The following POLI variants were observed in gnomAD, a reference collection of about 807,000 sequenced individuals.
POLI encodes the protein DNA polymerase iota.
In POLI, 58 loss-of-function variants were observed where a neutral mutation model predicts 51.6. The observed-to-expected ratio is 1.12, with a 90% CI of 0.91 to 1.40. POLI has a LOEUF of 1.40. POLI is among the 40% of genes most tolerant of loss of function. The pLI is 0.00. For synonymous variants in POLI, 322 were observed against 299.7 expected (o/e 1.07, Z -0.77); for missense variants, 921 against 871.3 (o/e 1.06, Z -0.72).
In POLI at chr18:54,271,355, T is replaced by C. The variant is rs2086994512; in HGVS notation, c.116-5T>C. On this transcript the variant is annotated splice_region_variant and splice_polypyrimidine_tract_variant and intron_variant, in intron 1 of 9. Coordinates refer to ENST00000579534, the MANE Select transcript of POLI (RefSeq NM_007195.3). ...TTTCTTTTTATTTCTTTGCATATTG[T>C]GCAGGAGTTCATGATCAAGTGTTGC... 1.2e-6 allele frequency: 2 copies of C among 1,610,268 alleles called. No individual in the cohort carries two copies. Among genetic ancestry groups the C allele is most frequent in the Non-Finnish European group, 1.7e-6 (2 of 1,178,382 alleles).
At chr18:54,273,147 TA>T (rs2087081728) in intron 2 of POLI, among the ~76,000 whole-genome samples, 1 of 152,086 alleles carries the variant, frequency 6.6e-6, no homozygotes, top group South Asian at 2.1e-4. Context: ...ACCAATAAAC[TA>T]GAATTTTTTA....
At chr18:54,271,775 T>C (rs551855890) in intron 2 of POLI, among the ~76,000 whole-genome samples, 1 of 152,346 alleles carries the variant, frequency 6.6e-6, no homozygotes, top group African/African-American at 2.4e-5. Context: ...CAGATTTCTT[T>C]TTCTCACTAT....
At chr18:54,291,472 C>T (rs1468466767) in intron 8 of POLI, 2 of 170,520 alleles carry the variant, frequency 1.2e-5, no homozygotes, top group Non-Finnish European at 2.5e-5. Context: ...CTGCTATCTC[C>T]TACTTTCTTA....
intron 3 of POLI, among the ~76,000 whole-genome samples, chr18:54,315,664 G>A (rs538029380): frequency 6.6e-6 from 1 of 152,122 alleles, no homozygotes; most frequent in African/African-American, 2.4e-5. Flanking sequence ...ATTTAGGATT[G>A]TTAAGTCTTC....
Position 54,269,571 on chromosome 18 carries a change from G to A in POLI, c.25G>A (p.Glu9Lys), listed in dbSNP as rs376730732. ...GATGGAGAAGCTGGGGGTGGAGCCG[G>A]AGGAGGAAGGCGGCGGCGACGACGA... Reference protein sequence around the residue: MEKLGVEPEEEGGGDDDEE... With the variant: MEKLGVEPKEEGGGDDDEE... Residue 9 changes from glutamate (E) to lysine (K), a missense_variant, in exon 1 of 10, where the codon GAG becomes AAG. Transcript: ENST00000579534. 23 of 1,461,020 alleles carry A rather than the reference G, an allele frequency of 1.6e-5. No homozygotes were observed. In the African/African-American group the frequency reaches 4.5e-4, roughly 29 times the overall value. The allele number at this position is 1,461,020 out of a possible 1,614,324, so 90.5% of individuals were successfully genotyped here. A position where few individuals can be genotyped will look rare whatever the true frequency, so the allele number is the denominator to read the frequency against.
At chr18:54,306,924 C>T (rs2088595700) in intron 3 of POLI, among the ~76,000 whole-genome samples, 1 of 152,100 alleles carries the variant, frequency 6.6e-6, no homozygotes, top group East Asian at 1.9e-4. Flanking sequence ...AGTGATATCC[C>T]CTTTATCATT....
At chr18:54,283,872 G>A in intron 6 of POLI, 50 bp from the exon 7 acceptor site, 1 of 670,496 alleles carries the variant, frequency 1.5e-6, no homozygotes, top group Non-Finnish European at 2.6e-6. Flanking sequence ...ATAATAATTA[G>A]ATATAGTTAT....
intron 3 of POLI, among the ~76,000 whole-genome samples, chr18:54,318,694 GA>G (rs1422134111): frequency 6.6e-6 from 1 of 151,910 alleles, no homozygotes; most frequent in Non-Finnish European, 1.5e-5. Flanking sequence ...AAAATATACT[GA>G]AAGCCAACAA....
At chr18:54,303,530 C>T (rs1218430400) in intron 3 of POLI, among the ~76,000 whole-genome samples, 6 of 152,094 alleles carry the variant, frequency 3.9e-5, no homozygotes, top group Admixed American at 6.6e-5. Context: ...CATTTTTCCT[C>T]ATGTGCTCTG....
chr18:54,319,507 C>T (rs529199019), intron 3 of POLI, among the ~76,000 whole-genome samples: 27 of 152,026 alleles, frequency 1.8e-4, no homozygotes, highest in African/African-American at 6.5e-4. Flanking sequence ...GTCTGAATAT[C>T]TGAAAGTATT....
At chr18:54,292,383 T>G (rs1202214721) in intron 9 of POLI, among the ~76,000 whole-genome samples, 2 of 152,148 alleles carry the variant, frequency 1.3e-5, no homozygotes, top group Admixed American at 1.3e-4. Context: ...CTTTTTGTCT[T>G]TTAGCTGACA....
At chr18:54,303,781 A>G (rs1435434169) in intron 3 of POLI, among the ~76,000 whole-genome samples, 1 of 147,106 alleles carries the variant, frequency 6.8e-6, no homozygotes, top group Non-Finnish European at 1.5e-5. Context: ...TTTTAATTAT[A>G]CTTTAAGTTC....
At chr18:54,288,680 T>C (rs1014180722) in intron 8 of POLI, among the ~76,000 whole-genome samples, 1 of 152,058 alleles carries the variant, frequency 6.6e-6, no homozygotes, top group Non-Finnish European at 1.5e-5. Flanking sequence ...ATAATTTGTA[T>C]TGAGCTGCCT....
chr18:54,270,907 A>T (rs2086976632), intron 1 of POLI: 1 of 154,486 alleles, frequency 6.5e-6, no homozygotes, highest in Non-Finnish European at 1.4e-5. Context: ...ACTTGTACCC[A>T]CTGGTTGTCT....
intron 4 of POLI, among the ~76,000 whole-genome samples, chr18:54,279,474 C>G (rs2087402864): frequency 6.6e-6 from 1 of 152,118 alleles, no homozygotes; most frequent in Admixed American, 6.6e-5. Flanking sequence ...AACTCCTAAT[C>G]TCAGATGATC....
intron 5 of POLI, among the ~76,000 whole-genome samples, chr18:54,282,405 A>G (rs2087541595): frequency 6.6e-6 from 1 of 152,174 alleles, no homozygotes; most frequent in African/African-American, 2.4e-5. Flanking sequence ...TTTGCAAAAT[A>G]CAGTAGTCCC....
intron 8 of POLI, among the ~76,000 whole-genome samples, chr18:54,290,465 G>A (rs946237294): frequency 5.9e-5 from 9 of 152,094 alleles, no homozygotes; most frequent in African/African-American, 1.7e-4. Context: ...TTGACCCAGT[G>A]ATCCCATTAC....
chr18:54,297,291 G>GT lies in POLI; in HGVS notation c.*2836dup, dbSNP rs879629665. 102,282 of 590,172 alleles carry GT rather than the reference G, an allele frequency of 0.17. 38 individuals are homozygous for GT. The highest frequency in any genetic ancestry group is 0.19 in the Non-Finnish European group (91,456 of 473,738). 36.6% of individuals were successfully genotyped at this position (590,172 alleles called of 1,614,324 possible). A position where few individuals can be genotyped will look rare whatever the true frequency, so the allele number is the denominator to read the frequency against. On this transcript the variant is annotated 3_prime_UTR_variant, in exon 10 of 10. Transcript: ENST00000579534. ...TTTGTTTCAGCTCGAGTTTGTTGTTGTTTTTTTTTTTTCCTGTTTCTGTCT... is the reference window on the plus strand; with the variant it reads ...TTTGTTTCAGCTCGAGTTTGTTGTTGTTTTTTTTTTTTTCCTGTTTCTGTCT...
At position 54,320,821 on chromosome 18, in the gene POLI, T is replaced by A. The variant is rs534870651; in HGVS notation, c.*26-245T>A. Among the ~76,000 whole-genome samples the A allele has an allele frequency of 2.6e-3, 395 of 149,872 alleles. 4 individuals are homozygous for A. Among genetic ancestry groups the A allele is most frequent in the African/African-American group, 9.3e-3 (382 of 40,872 alleles). On this transcript the variant is annotated intron_variant, in intron 4 of 4. Transcript: ENST00000579823. The stretch of plus-strand genomic sequence containing the variant: ...GGATAGGCTTTTCTATTTTTTTTTT[T>A]AAACTTATTTTGAGATAATTGTAGA...
Sources: gnomAD v4.1 joint callset for allele counts (sites outside exome capture counted in the v4.1 genomes callset) on GRCh38, gnomAD v4.1.1 for gene constraint, MANE v1.5 for transcripts, NCBI Gene and HGNC (gene_info 2026-07-23, HGNC 2026-07-21) for gene names.